ITSN1: variants seen among roughly 807,000 people sequenced by gnomAD.
The protein encoded by ITSN1 is intersectin 1, also known as intersectin-1.
ITSN1 carries 58 observed loss-of-function variants against 239.8 expected under a neutral mutation model. The ratio of observed to expected loss-of-function variants is 0.24; its 90% confidence interval spans 0.20 to 0.30. The LOEUF (loss-of-function observed/expected upper bound fraction) is 0.30. ITSN1 is among the 10% of genes least tolerant of loss of function. The pLI is 1.00. For synonymous variants in ITSN1, 780 were observed against 770.8 expected (o/e 1.01, Z -0.20); for missense variants, 1,558 against 2,103.3 (o/e 0.74, Z 5.07).
chr21:33,681,140 A>G (rs1274097820), intron 1 of ITSN1, among the ~76,000 whole-genome samples: 2 of 152,192 alleles, frequency 1.3e-5, no homozygotes, highest in Non-Finnish European at 2.9e-5. Flanking sequence ...CCGGGGATGG[A>G]CAGGTAGGAA....
chr21:33,849,016 G>A (rs895333583), intron 29 of ITSN1, among the ~76,000 whole-genome samples: 3 of 152,170 alleles, frequency 2.0e-5, no homozygotes, highest in African/African-American at 4.8e-5. Flanking sequence ...CGAGGCGGGC[G>A]GATCACCTGA....
At chr21:33,852,754 G>C (rs1232121283) in intron 29 of ITSN1, among the ~76,000 whole-genome samples, 2 of 152,094 alleles carry the variant, frequency 1.3e-5, no homozygotes, top group Non-Finnish European at 2.9e-5. Flanking sequence ...AGTTAGTTTT[G>C]AGAATCCTTC....
Position 33,893,069 on chromosome 21 carries a change from T to G in ITSN1, c.*4769T>G, listed in dbSNP as rs925272045. 1 of 152,232 alleles carries G rather than the reference T, an allele frequency of 6.6e-6. No homozygotes were observed. The allele number at this position is 152,232 out of a possible 1,614,324, so 9.4% of individuals were successfully genotyped here. On this transcript the variant is annotated 3_prime_UTR_variant, in exon 40 of 40. Coordinates refer to ENST00000381318, the MANE Select transcript of ITSN1 (RefSeq NM_003024.3). ...CAGCCCATTCCAGGAGAAGCAGTCT[T>G]AGGCCCGTTTGCATCCCCTGCCACT...
intron 21 of ITSN1, 134 bp from the exon 22 acceptor site, chr21:33,813,772 TTTTTTGG>T: frequency 1.7e-6 from 1 of 600,776 alleles, no homozygotes; most frequent in Non-Finnish European, 2.7e-6. Flanking sequence ...ATTTATTTAT[TTTTTTGG>T]TACTTTACTG....
chr21:33,780,914 C>G (rs955159622), intron 14 of ITSN1, among the ~76,000 whole-genome samples: 1 of 152,132 alleles, frequency 6.6e-6, no homozygotes, highest in African/African-American at 2.4e-5. Context: ...CTTTTGTGTA[C>G]CTGTTTAAAA....
chr21:33,853,167 CTT>C (rs1047607831), intron 29 of ITSN1, among the ~76,000 whole-genome samples: 1 of 152,212 alleles, frequency 6.6e-6, no homozygotes, highest in Non-Finnish European at 1.5e-5. Flanking sequence ...CCCCACAAAA[CTT>C]TTGCTTTTCA....
At chr21:33,842,866 G>A (rs1602563299) in intron 29 of ITSN1, among the ~76,000 whole-genome samples, 1 of 152,218 alleles carries the variant, frequency 6.6e-6, no homozygotes, top group East Asian at 1.9e-4. Context: ...CAAGGACGCT[G>A]TTTCCCTCAG....
At chr21:33,759,187 T>C (rs948970709) in intron 8 of ITSN1, among the ~76,000 whole-genome samples, 2 of 152,248 alleles carry the variant, frequency 1.3e-5, no homozygotes, top group Non-Finnish European at 2.9e-5. Context: ...ATCATGCTTA[T>C]ATCAGTGGAT....
intron 6 of ITSN1, among the ~76,000 whole-genome samples, chr21:33,750,966 A>G (rs964008003): frequency 1.1e-4 from 17 of 152,234 alleles, no homozygotes; most frequent in Admixed American, 9.2e-4. Flanking sequence ...TACTTTGACT[A>G]CATCTAAGTA....
Position 33,829,857 on chromosome 21 carries a change from C to G in ITSN1, c.3351+112C>G, listed in dbSNP as rs2074189997. 2.3e-6 allele frequency: 3 copies of G among 1,298,436 alleles called. No homozygotes were observed. The African/African-American group carries it at 4.5e-5, about 19-fold the overall frequency. The allele number at this position is 1,298,436 out of a possible 1,614,324, so 80.4% of individuals were successfully genotyped here. ...CAAACCACCCCTCACCACCTAAATT[C>G]TGTATTTGGATAGTGAGAGATGCCA... On this transcript the variant is annotated intron_variant, in intron 27 of 39. Coordinates refer to ENST00000381318, the MANE Select transcript of ITSN1 (RefSeq NM_003024.3).
At chr21:33,776,253 C>T (rs1422165421) in intron 14 of ITSN1, among the ~76,000 whole-genome samples, 2 of 151,702 alleles carry the variant, frequency 1.3e-5, no homozygotes, top group African/African-American at 4.8e-5. Context: ...TATATTTAAC[C>T]CCATAAGAAA....
chr21:33,767,723 T>G lies in ITSN1; in HGVS notation c.937T>G (p.Ser313Ala), dbSNP rs376858445. 39 of 1,603,378 alleles carry G rather than the reference T, an allele frequency of 2.4e-5. No homozygotes were observed. The highest frequency in any genetic ancestry group is 3.1e-5 in the Non-Finnish European group (36 of 1,173,358). Residue 313 changes from serine to alanine, a missense_variant, in exon 11 of 40, where the codon TCT (serine) becomes GCT (alanine). Ser to Ala is a moderately conservative substitution (Grantham distance 99, BLOSUM62 1). This residue lies in a region of ITSN1 where 982 missense variants were observed against 1,209.9 expected (regional missense o/e 0.81). Transcript: ENST00000381318. ...YIPPSFRRVRSGSGISVISST... is the reference protein window; with the variant it reads ...YIPPSFRRVRAGSGISVISST... The stretch of plus-strand genomic sequence containing the variant: ...TCCCCGCAATTGCAGAAGAGTTCGA[T>G]CTGGCAGTGGTATATCTGTCATAAG...
At chr21:33,709,267 C>T (rs2092342184) in intron 1 of ITSN1, among the ~76,000 whole-genome samples, 1 of 152,088 alleles carries the variant, frequency 6.6e-6, no homozygotes, top group Non-Finnish European at 1.5e-5. Flanking sequence ...TATCTTAGTA[C>T]CATTTATTTA....
At chr21:33,727,358 C>G (rs776490021) in intron 4 of ITSN1, among the ~76,000 whole-genome samples, 4 of 151,898 alleles carry the variant, frequency 2.6e-5, no homozygotes, top group Non-Finnish European at 4.4e-5. Context: ...GCTCTGGAAT[C>G]TGAGACGGAG....
intron 4 of ITSN1, among the ~76,000 whole-genome samples, chr21:33,729,989 G>A (rs2154433): frequency 2.1e-4 from 32 of 152,222 alleles, no homozygotes; most frequent in Non-Finnish European, 3.4e-4. Flanking sequence ...TTAAACAGAG[G>A]ACATATAAAG....
chr21:33,886,521 A>G, intron 39 of ITSN1, 61 bp downstream of exon 39: 24 of 1,399,790 alleles, frequency 1.7e-5, no homozygotes, highest in Non-Finnish European at 2.3e-5. Context: ...GCGTGGGTTA[A>G]TGTTTTCTTA....
intron 29 of ITSN1, among the ~76,000 whole-genome samples, chr21:33,852,106 T>A (rs1371943755): frequency 3.3e-5 from 5 of 152,188 alleles, no homozygotes; most frequent in Non-Finnish European, 5.9e-5. Context: ...TTAATATTTT[T>A]AATTTAATTT....
At chr21:33,850,653 C>T (rs1391656137) in intron 29 of ITSN1, among the ~76,000 whole-genome samples, 1 of 152,194 alleles carries the variant, frequency 6.6e-6, no homozygotes, top group Non-Finnish European at 1.5e-5. Flanking sequence ...AGCAGGAGTA[C>T]ACAACTTCAT....
chr21:33,708,590 T>C (rs985816189), intron 1 of ITSN1, among the ~76,000 whole-genome samples: 3 of 152,168 alleles, frequency 2.0e-5, no homozygotes, highest in Non-Finnish European at 4.4e-5. Context: ...TTCTCCATGT[T>C]GGTCAGGCTG....
Sources: allele counts gnomAD v4.1 joint callset (sites outside exome capture counted in the v4.1 genomes callset), GRCh38; gene constraint gnomAD v4.1.1; regional missense constraint gnomAD v4.1.1; transcripts MANE v1.5; gene names NCBI Gene and HGNC (gene_info 2026-07-23, HGNC 2026-07-21).